The following METRNL variants were observed in gnomAD, a reference collection of about 807,000 sequenced individuals.
METRNL encodes the protein meteorin-like protein.
A neutral mutation model predicts 17.4 loss-of-function variants in METRNL; 9 were observed. The ratio of observed to expected loss-of-function variants is 0.52; its 90% CI spans 0.31 to 0.90. The LOEUF (loss-of-function observed/expected upper bound fraction) is 0.90, where lower values mean the gene tolerates loss of function less well. Ranked by LOEUF, METRNL falls within the 40% of genes least tolerant of loss-of-function variation. The probability of loss-of-function intolerance (pLI) is 0.05; values close to 1 mark genes in which losing one functional copy is unlikely to be tolerated. For synonymous variants in METRNL, 215 were observed against 199.3 expected, an observed-to-expected ratio of 1.08 and a Z score of -0.66; for missense variants, 408 against 430.7, an observed-to-expected ratio of 0.95 and a Z score of 0.47.
chr17:83,090,195 G>A (rs111772912), intron 2 of METRNL, among the ~76,000 whole-genome samples: 5,920 of 42,672 alleles, frequency 0.14, 814 homozygotes, highest in African/African-American at 0.24. Flanking sequence ...CAGGGTGGGA[G>A]CCACACACCC....
Position 83,079,840 on chromosome 17 carries a change from TG to T in METRNL, c.30del (p.Arg11AlafsTer49). Reference protein sequence around the residue: MRGAARAAWGRAGQPWPRP... With the variant: MRGAARAAXGRAGQPWPRP... ...CATGCGGGGCGCGGCGCGGGCGGCC[TG>T]GGGGCGCGCGGGGCAGCCGTGGCCG... On this transcript the variant is annotated frameshift_variant, in exon 1 of 4. Coordinates refer to ENST00000320095, the MANE Select transcript of METRNL (RefSeq NM_001004431.3). LOFTEE classifies it high-confidence loss of function. 1.0e-6 allele frequency: 1 copy of T among 954,304 alleles called. No homozygotes were observed. The highest frequency in any genetic ancestry group is 1.2e-6 in the Non-Finnish European group (1 of 816,056). The allele number at this position is 954,304 out of a possible 1,614,324, so 59.1% of individuals were successfully genotyped here.
chr17:83,093,994 G>A (rs1600495536), intron 3 of METRNL, among the ~76,000 whole-genome samples: 1 of 152,222 alleles, frequency 6.6e-6, no homozygotes, highest in East Asian at 1.9e-4. Flanking sequence ...GGACTTGTTT[G>A]TTCTGTTTTC....
chr17:83,090,768 G>A (rs576173395), intron 2 of METRNL, among the ~76,000 whole-genome samples: 15 of 151,932 alleles, frequency 9.9e-5, no homozygotes, highest in South Asian at 2.1e-4. Context: ...GTGGTACGGG[G>A]CAGGTGCTGG....
Position 83,094,544 on chromosome 17 carries a change from G to T in METRNL, c.905G>T (p.Gly302Val). The change falls in exon 4 of 4, where the codon GGG becomes GTG. Residue 302 changes from glycine (G) to valine (V), a missense_variant. Gly to Val is a moderately radical substitution (Grantham distance 109). Coordinates refer to ENST00000320095, the MANE Select transcript of METRNL (RefSeq NM_001004431.3). Reference protein sequence around the residue: ...QRMYRDAQERGLNPCEVGTD With the variant: ...QRMYRDAQERVLNPCEVGTD ...ATGTACAGGGATGCCCAGGAGAGGG[G>T]GCTGAACCCTTGTGAGGTTGGCACG... is the stretch of plus-strand genomic sequence containing the variant. 2 of 1,511,020 alleles carry T rather than the reference G, an allele frequency of 1.3e-6. No homozygotes were observed. The highest frequency in any genetic ancestry group is 1.4e-5 in the African/African-American group (1 of 72,554). The allele number at this position is 1,511,020 out of a possible 1,614,324, so 93.6% of individuals were successfully genotyped here.
chr17:83,086,391 C>T (rs556072779), intron 2 of METRNL, among the ~76,000 whole-genome samples: 46 of 152,306 alleles, frequency 3.0e-4, no homozygotes, highest in Admixed American at 7.8e-4. Context: ...CAGGGCTGGA[C>T]GCTGATGTAA....
Position 83,094,653 on chromosome 17 carries a change from G to T in METRNL, c.*78G>T, listed in dbSNP as rs1289155420. ...GCTGCGGTCCTGGTGGGGCCGTGCG[G>T]TGAGGGCCGCGCGCTGGGAGCCGCA... On this transcript the variant is annotated 3_prime_UTR_variant, in exon 4 of 4. Coordinates refer to ENST00000320095, the MANE Select transcript of METRNL (RefSeq NM_001004431.3). 2.4e-6 allele frequency: 3 copies of T among 1,240,406 alleles called. No homozygotes were observed. The highest frequency in any genetic ancestry group is 3.2e-6 in the Non-Finnish European group (3 of 951,936). The allele number at this position is 1,240,406 out of a possible 1,614,324, so 76.8% of individuals were successfully genotyped here. A position where few individuals can be genotyped will look rare whatever the true frequency, so the allele number is the denominator to read the frequency against.
Position 83,094,891 on chromosome 17 carries a change from C to A in METRNL, c.*316C>A, listed in dbSNP as rs2038186079. 1.0e-5 allele frequency: 3 copies of A among 301,202 alleles called. No homozygotes were observed. The highest frequency in any genetic ancestry group is 1.1e-4 in the East Asian group (2 of 18,748). The allele number at this position is 301,202 out of a possible 1,614,324, so 18.7% of individuals were successfully genotyped here. A position where few individuals can be genotyped will look rare whatever the true frequency, so the allele number is the denominator to read the frequency against. ...CCTTGGTGTGCCGTCTGATACTGTT[C>A]TCTAAAGACGTTAGGAGTCACGGCA... On this transcript the variant is annotated 3_prime_UTR_variant, in exon 4 of 4. Transcript: ENST00000320095.
rs1317269270 is a variant in METRNL, at chr17:83,094,099, A to G, written c.617-157A>G. ...CCCCTTGGCAGCTTTCTGCTGTTAC[A>G]TTGTACTTTTCTCTGGGAATTTCCA... is the stretch of plus-strand genomic sequence containing the variant. On this transcript the variant is annotated intron_variant, in intron 3 of 3. Coordinates refer to ENST00000320095, the MANE Select transcript of METRNL (RefSeq NM_001004431.3). 6.9e-6 allele frequency: 4 copies of G among 577,340 alleles called. No individual in the cohort carries two copies. The South Asian group carries it at 7.8e-5, about 11-fold the overall frequency. The allele number at this position is 577,340 out of a possible 1,614,324, so 35.8% of individuals were successfully genotyped here.
intron 1 of METRNL, among the ~76,000 whole-genome samples, chr17:83,082,531 A>C (rs2038001760): frequency 6.6e-6 from 1 of 152,258 alleles, no homozygotes; most frequent in South Asian, 2.1e-4. Context: ...AGTTTCCTAA[A>C]GTTGAACGAA....
At chr17:83,084,754 A>C in intron 1 of METRNL, 184 bp from the exon 2 acceptor site, 1 of 635,616 alleles carries the variant, frequency 1.6e-6, no homozygotes, top group Non-Finnish European at 2.6e-6. Context: ...CTTGTGCCGA[A>C]GGGCGGAGAT....
At chr17:83,081,779 C>T (rs574556608) in intron 1 of METRNL, among the ~76,000 whole-genome samples, 5 of 152,330 alleles carry the variant, frequency 3.3e-5, no homozygotes, top group African/African-American at 9.6e-5. Flanking sequence ...GACACGGGGC[C>T]CGGCTGTGTT....
intron 1 of METRNL, among the ~76,000 whole-genome samples, chr17:83,083,357 G>A (rs955803689): frequency 2.6e-5 from 4 of 152,178 alleles, no homozygotes; most frequent in African/African-American, 4.8e-5. Context: ...GTCGAGGCTC[G>A]GTGCCTGAGC....
Position 83,094,529 on chromosome 17 carries a change from A to T in METRNL, c.890A>T (p.Asp297Val), listed in dbSNP as rs2038180075. 2.0e-6 allele frequency: 3 copies of T among 1,533,364 alleles called. No individual in the cohort carries two copies. The highest frequency in any genetic ancestry group is 2.6e-6 in the Non-Finnish European group (3 of 1,133,652). 95.0% of individuals were successfully genotyped at this position (1,533,364 alleles called of 1,614,324 possible). A position where few individuals can be genotyped will look rare whatever the true frequency, so the allele number is the denominator to read the frequency against. The change falls in exon 4 of 4, where the codon GAT becomes GTT. Residue 297 changes from aspartate to valine, a missense_variant. Asp to Val is a radical substitution (Grantham distance 152). Transcript: ENST00000320095. Reference sequence around the variant, plus strand: ...AAGGACTTCCAGAGGATGTACAGGGATGCCCAGGAGAGGGGGCTGAACCCT... The same window carrying T: ...AAGGACTTCCAGAGGATGTACAGGGTTGCCCAGGAGAGGGGGCTGAACCCT... ...RFKDFQRMYRDAQERGLNPCE... is the reference protein window; with the variant it reads ...RFKDFQRMYRVAQERGLNPCE...
At chr17:83,082,620 C>T (rs568715643) in intron 1 of METRNL, among the ~76,000 whole-genome samples, 1 of 152,344 alleles carries the variant, frequency 6.6e-6, no homozygotes, top group South Asian at 2.1e-4. Flanking sequence ...TCACAAAATG[C>T]CCTCATCCAT....
intron 1 of METRNL, among the ~76,000 whole-genome samples, chr17:83,083,798 C>T (rs762642594): frequency 3.3e-5 from 5 of 152,214 alleles, no homozygotes; most frequent in African/African-American, 9.6e-5. Context: ...TCTGGTGACT[C>T]GCTCAGGCCA....
Position 83,085,167 on chromosome 17 carries a change from G to A in METRNL, c.400G>A (p.Gly134Arg), listed in dbSNP as rs751240756. The A allele has an allele frequency of 5.6e-6, 9 of 1,612,352 alleles. No individual in the cohort carries two copies. The highest frequency in any genetic ancestry group is 1.6e-4 in the Middle Eastern group (1 of 6,076). Residue 134 changes from glycine (G) to arginine (R), a missense_variant, in exon 2 of 4, where the codon GGG becomes AGG. Transcript: ENST00000320095. Reference protein sequence around the residue: ...TGELRLLVPDGDGRPGRVQCF... With the variant: ...TGELRLLVPDRDGRPGRVQCF... Reference sequence around the variant, plus strand: ...AGAACTGAGACTGCTGGTACCAGACGGGGACGGCAGGCCCGGCCGGGTGCA... The same window carrying A: ...AGAACTGAGACTGCTGGTACCAGACAGGGACGGCAGGCCCGGCCGGGTGCA...
chr17:83,084,657 G>T, intron 1 of METRNL: 1 of 508,884 alleles, frequency 2.0e-6, no homozygotes, highest in Non-Finnish European at 3.5e-6. Flanking sequence ...AGGGCCTGGG[G>T]ACAAGCACCG....
In METRNL at chr17:83,083,172, G is replaced by A. The variant is rs905712212; in HGVS notation, c.171-1766G>A. Reference sequence around the variant, plus strand: ...CCAGGACGGCCCCCAGGCTCAAGTCGGCCTCCTCCTGGGCAGAGGTGGGTT... The same window carrying A: ...CCAGGACGGCCCCCAGGCTCAAGTCAGCCTCCTCCTGGGCAGAGGTGGGTT... On this transcript the variant is annotated intron_variant, in intron 1 of 3. Coordinates refer to ENST00000320095, the MANE Select transcript of METRNL (RefSeq NM_001004431.3). 3.3e-5 allele frequency among the ~76,000 whole-genome samples: 5 copies of A among 152,242 alleles called. No individual in the cohort carries two copies. The South Asian group carries it at 6.2e-4, about 19-fold the overall frequency.
chr17:83,084,471 G>A (rs2143619813), intron 1 of METRNL: 1 of 161,646 alleles, frequency 6.2e-6, no homozygotes, highest in Non-Finnish European at 1.3e-5. Context: ...GGTACACAGG[G>A]CCTGCTGGCA....
Sources: allele counts gnomAD v4.1 joint callset (sites outside exome capture counted in the v4.1 genomes callset), GRCh38; gene constraint gnomAD v4.1.1; transcripts MANE v1.5; gene names NCBI Gene and HGNC (gene_info 2026-07-23, HGNC 2026-07-21).